PCDHGA11: variants seen among roughly 807,000 people sequenced by gnomAD.
PCDHGA11 encodes the protein protocadherin gamma subfamily A, 11, also known as protocadherin gamma-A11.
In PCDHGA11, 39 loss-of-function variants were observed where a neutral mutation model predicts 60.4. The observed-to-expected ratio is 0.65, with a 90% CI of 0.50 to 0.84. The LOEUF (loss-of-function observed/expected upper bound fraction) is 0.84. Ranked by LOEUF, PCDHGA11 falls within the 40% of genes least tolerant of loss-of-function variation. PCDHGA11 has a pLI of 0.00. For missense variants in PCDHGA11, 1,165 were observed against 1,197.7 expected, an observed-to-expected ratio of 0.97 and a Z score of 0.40; for synonymous variants, 533 against 510.3, an observed-to-expected ratio of 1.04 and a Z score of -0.60.
At chr5:141,506,240 G>A (rs918820495) in intron 3 of PCDHGA11, among the ~76,000 whole-genome samples, 8 of 152,184 alleles carry the variant, frequency 5.3e-5, no homozygotes, top group Middle Eastern at 3.4e-3. Flanking sequence ...CATGAGGTCA[G>A]GAGTTCGAAA....
intron 1 of PCDHGA11, chr5:141,478,588 T>G (rs2099465964): frequency 6.3e-7 from 1 of 1,575,000 alleles, no homozygotes; most frequent in African/African-American, 1.4e-5. Flanking sequence ...TAGTGCTTTT[T>G]TATTCCTACA....
At chr5:141,437,999 C>T (rs1230507077) in intron 1 of PCDHGA11, among the ~76,000 whole-genome samples, 1 of 152,062 alleles carries the variant, frequency 6.6e-6, no homozygotes, top group African/African-American at 2.4e-5. Flanking sequence ...CCTCAGCCTC[C>T]CAAATAGCTG....
intron 1 of PCDHGA11, chr5:141,468,354 GA>G (rs910554966): frequency 7.0e-6 from 1 of 143,440 alleles, no homozygotes. Context: ...AAAAAAGAAA[GA>G]AAAAAGAAAT....
At chr5:141,510,653 T>G (rs1388568365) in intron 3 of PCDHGA11, among the ~76,000 whole-genome samples, 1 of 152,184 alleles carries the variant, frequency 6.6e-6, no homozygotes, top group Non-Finnish European at 1.5e-5. Context: ...ATCCCCATTT[T>G]GCAGATGAGA....
At chr5:141,509,128 A>C (rs995210331) in intron 3 of PCDHGA11, among the ~76,000 whole-genome samples, 8 of 151,958 alleles carry the variant, frequency 5.3e-5, no homozygotes, top group African/African-American at 1.7e-4. Flanking sequence ...TGAAGAGAAA[A>C]ACCGAGGCGC....
intron 1 of PCDHGA11, among the ~76,000 whole-genome samples, chr5:141,463,572 C>T (rs1462125489): frequency 6.6e-6 from 1 of 151,572 alleles, no homozygotes; most frequent in African/African-American, 2.4e-5. Context: ...CCTCAGCCTC[C>T]CGAGTAGCTG....
chr5:141,500,989 C>T (rs779352768), intron 2 of PCDHGA11, among the ~76,000 whole-genome samples: 1 of 152,040 alleles, frequency 6.6e-6, no homozygotes, highest in Non-Finnish European at 1.5e-5. Context: ...CTGCCTCAGC[C>T]TCCTGAGTAG....
intron 1 of PCDHGA11, among the ~76,000 whole-genome samples, chr5:141,492,862 G>A (rs2099744602): frequency 6.6e-6 from 1 of 152,198 alleles, no homozygotes. Context: ...GAGCGCCCTG[G>A]CTCTCAACCC....
chr5:141,491,937 AC>A lies in PCDHGA11; in HGVS notation c.2434-2865del. ...CTGTGGGCGAGGGGAGGTGGGACCG[AC>A]CCCCACCCCTACACTCAAAAAAGGC... On this transcript the variant is annotated intron_variant, in intron 1 of 3. Transcript: ENST00000398587. This position sits in a 1 kb window ranked among gnomAD's most constrained non-coding sequence, Gnocchi z 6.9. The A allele has an allele frequency of 3.4e-6, 4 of 1,164,304 alleles. No homozygotes were observed. Among genetic ancestry groups the A allele is most frequent in the Non-Finnish European group, 4.7e-6 (4 of 858,404 alleles). The allele number at this position is 1,164,304 out of a possible 1,614,324, so 72.1% of individuals were successfully genotyped here.
At chr5:141,475,146 G>A (rs938308425) in intron 1 of PCDHGA11, among the ~76,000 whole-genome samples, 3 of 152,014 alleles carry the variant, frequency 2.0e-5, no homozygotes, top group African/African-American at 4.8e-5. Context: ...AATCTTCTCC[G>A]TCTTCTTCTT....
At position 141,511,112 on chromosome 5, in the gene PCDHGA11, G is replaced by A. The variant is rs767257788; in HGVS notation, c.2747G>A (p.Gly916Asp). The change falls in exon 4 of 4, where the codon GGC (glycine) becomes GAC (aspartate). Residue 916 changes from glycine (G) to aspartate (D), a missense_variant. Transcript: ENST00000398587. ...ACCAACGCAGCTGGCAAGCGGGATGGCAAGGCCCCAGCAGGTGGCAATGGC... is the reference window on the plus strand; with the variant it reads ...ACCAACGCAGCTGGCAAGCGGGATGACAAGGCCCCAGCAGGTGGCAATGGC... The part of the protein sequence containing the change: ...TLTNAAGKRD[G>D]KAPAGGNGNK... 1 of 1,614,232 alleles carries A rather than the reference G, an allele frequency of 6.2e-7. No individual in the cohort carries two copies.
chr5:141,431,648 A>G lies in PCDHGA11; in HGVS notation c.2433+7988A>G. 2 of 1,614,240 alleles carry G rather than the reference A, an allele frequency of 1.2e-6. No individual in the cohort carries two copies. The highest frequency in any genetic ancestry group is 1.7e-6 in the Non-Finnish European group (2 of 1,180,046). On this transcript the variant is annotated intron_variant, in intron 1 of 3. Transcript: ENST00000398587. The surrounding 1 kb of genome is among the most constrained non-coding windows in gnomAD (Gnocchi z 4.8). ...GGCCCAAGTTTTCAAACTAGATTGT[A>G]ATTCAGGGACAATATCAACAATAGG...
rs549557253 is a variant in PCDHGA11 at position 141,503,310 on chromosome 5, T to C, written c.2493-2083T>C. 2.6e-5 allele frequency among the ~76,000 whole-genome samples: 4 copies of C among 152,176 alleles called. No homozygotes were observed. The East Asian group carries it at 7.7e-4, about 29-fold the overall frequency. On this transcript the variant is annotated intron_variant, in intron 2 of 3. Coordinates refer to ENST00000398587, the MANE Select transcript of PCDHGA11 (RefSeq NM_018914.3). ...TACATAGAAATTGCTCAAGAAAGAA[T>C]TGTTGGAGGGGCGCGGTGGCTCACG...
chr5:141,469,974 T>C (rs1456176152), intron 1 of PCDHGA11, among the ~76,000 whole-genome samples: 1 of 151,864 alleles, frequency 6.6e-6, no homozygotes, highest in African/African-American at 2.4e-5. Context: ...GTACCAAAAA[T>C]ACAAAAATTA....
At chr5:141,494,195 C>T in intron 1 of PCDHGA11, among the ~76,000 whole-genome samples, 1 of 152,188 alleles carries the variant, frequency 6.6e-6, no homozygotes, top group Non-Finnish European at 1.5e-5. Flanking sequence ...GACTTGGATG[C>T]CCCGCAAAGG....
Position 141,486,255 on chromosome 5 carries a change from A to G in PCDHGA11, c.2434-8552A>G. 1 of 1,614,028 alleles carries G rather than the reference A, an allele frequency of 6.2e-7. No homozygotes were observed. Reference sequence around the variant, plus strand: ...ACCTCAGAGCTTGGAACCCTCCCCGAGAGTGCAGAACCTGGCACTGTGGTG... The same window carrying G: ...ACCTCAGAGCTTGGAACCCTCCCCGGGAGTGCAGAACCTGGCACTGTGGTG... On this transcript the variant is annotated intron_variant, in intron 1 of 3. Coordinates refer to ENST00000398587, the MANE Select transcript of PCDHGA11 (RefSeq NM_018914.3). This position sits in a 1 kb window ranked among gnomAD's most constrained non-coding sequence, Gnocchi z 5.0.
chr5:141,466,375 C>A (rs2099121518), intron 1 of PCDHGA11, among the ~76,000 whole-genome samples: 1 of 152,042 alleles, frequency 6.6e-6, no homozygotes, highest in Non-Finnish European at 1.5e-5. Context: ...GGTTTTGGCA[C>A]CCATCTAATG....
intron 1 of PCDHGA11, among the ~76,000 whole-genome samples, chr5:141,434,616 T>C (rs911085192): frequency 1.3e-5 from 2 of 152,204 alleles, no homozygotes; most frequent in East Asian, 1.9e-4. Context: ...TCCGCCCATC[T>C]CTTCGTTTCC....
intron 1 of PCDHGA11, among the ~76,000 whole-genome samples, chr5:141,434,767 C>T (rs2097715264): frequency 6.6e-6 from 1 of 151,182 alleles, no homozygotes. Flanking sequence ...CCACTTCACA[C>T]TTCTAAAAAA....
Sources: allele counts gnomAD v4.1 joint callset (sites outside exome capture counted in the v4.1 genomes callset), GRCh38; gene constraint gnomAD v4.1.1; non-coding constraint Gnocchi (gnomAD v3.1); transcripts MANE v1.5; gene names NCBI Gene and HGNC (gene_info 2026-07-23, HGNC 2026-07-21).